The following NRK variants were observed in gnomAD, a reference collection of about 807,000 sequenced individuals.
The protein encoded by NRK is Nik related kinase, also known as nik-related protein kinase.
A neutral mutation model predicts 125.2 loss-of-function variants in NRK; 67 were observed. The observed-to-expected ratio is 0.54, with a 90% CI of 0.44 to 0.66. NRK has a LOEUF of 0.66. Ranked by LOEUF, NRK falls within the 30% of genes least tolerant of loss-of-function variation. The pLI is 0.00. For synonymous variants in NRK, 458 were observed against 429.0 expected (o/e 1.07, Z -0.84); for missense variants, 1,224 against 1,192.9 (o/e 1.03, Z -0.38).
chrX:105,949,230 T>A (rs1236403065), intron 26 of NRK, among the ~76,000 whole-genome samples: 1 of 112,264 alleles, frequency 8.9e-6, no homozygotes, highest in East Asian at 2.8e-4. Flanking sequence ...TAATGTGTTA[T>A]CTTAAACCCA....
chrX:105,883,162 T>C (rs1007705111), intron 4 of NRK, among the ~76,000 whole-genome samples: 2 of 112,505 alleles, frequency 1.8e-5, no homozygotes, highest in South Asian at 3.6e-4. Context: ...AATGTACTTA[T>C]GTGTTTCTCA....
intron 3 of NRK, among the ~76,000 whole-genome samples, chrX:105,881,468 A>G (rs1427642262): frequency 8.9e-6 from 1 of 112,081 alleles, no homozygotes; most frequent in Non-Finnish European, 1.9e-5. Context: ...GCACTTTACT[A>G]ATAACAAATT....
chrX:105,916,096 G>A (rs1014151494), intron 15 of NRK, among the ~76,000 whole-genome samples: 2 of 110,790 alleles, frequency 1.8e-5, no homozygotes, highest in African/African-American at 3.3e-5. Flanking sequence ...ATTAGTAGTC[G>A]ATGATAAAAA....
rs1280641092 is a variant in NRK at position 105,822,581 on chromosome X, G to C, written c.-265G>C. On this transcript the variant is annotated 5_prime_UTR_variant, in exon 1 of 29. Transcript: ENST00000243300. ...CACGGAGCACCCTTCTAGCTTCTTCGTCTCCAGGACTGACGCTCAGGCTCC... is the reference window on the plus strand; with the variant it reads ...CACGGAGCACCCTTCTAGCTTCTTCCTCTCCAGGACTGACGCTCAGGCTCC... 4.2e-5 allele frequency: 17 copies of C among 403,354 alleles called. No homozygotes were observed. In the East Asian group the frequency reaches 7.3e-4, roughly 17 times the overall value. The allele number at this position is 403,354 out of a possible 1,213,427, so 33.2% of individuals were successfully genotyped here.
chrX:105,886,328 A>T (rs960157231), intron 4 of NRK, among the ~76,000 whole-genome samples: 1 of 107,204 alleles, frequency 9.3e-6, no homozygotes, highest in Non-Finnish European at 1.9e-5. Flanking sequence ...GCTTATTTGG[A>T]TTTTTTAAAT....
intron 21 of NRK, 116 bp from the exon 22 acceptor site, chrX:105,937,323 C>G (rs1462263561): frequency 5.0e-6 from 2 of 403,748 alleles, no homozygotes; most frequent in Non-Finnish European, 8.7e-6. Context: ...TGAATATAGC[C>G]TAAACTGATA....
At chrX:105,873,315 G>A (rs372187299) in intron 2 of NRK, among the ~76,000 whole-genome samples, 8 of 111,125 alleles carry the variant, frequency 7.2e-5, no homozygotes, top group African/African-American at 2.0e-4. Flanking sequence ...TAACTGCTGC[G>A]GAATGGTGGA....
intron 2 of NRK, among the ~76,000 whole-genome samples, chrX:105,851,234 A>G (rs1055822907): frequency 1.8e-5 from 2 of 112,028 alleles, no homozygotes; most frequent in African/African-American, 3.3e-5. Context: ...TGAAAATGCA[A>G]ATGCTCATGA....
chrX:105,840,361 G>A (rs1424183075), intron 2 of NRK, among the ~76,000 whole-genome samples: 2 of 111,623 alleles, frequency 1.8e-5, no homozygotes, highest in Admixed American at 9.6e-5. Flanking sequence ...TATGTATTTG[G>A]TGTATTTGGG....
At chrX:105,896,511 C>A (rs2147730215) in intron 7 of NRK, among the ~76,000 whole-genome samples, 1 of 111,533 alleles carries the variant, frequency 9.0e-6, no homozygotes, top group Admixed American at 9.6e-5. Flanking sequence ...TTGTGTCTGT[C>A]TAAAAGCTAT....
Position 105,906,601 on chromosome X carries a change from T to C in NRK, c.1021+12T>C, listed in dbSNP as rs780424344. On this transcript the variant is annotated intron_variant, in intron 11 of 28. Coordinates refer to ENST00000243300, the MANE Select transcript of NRK (RefSeq NM_198465.4). ...AAGACAGAAAAAAGGTAGAATCTGT[T>C]AAGTTTTATTTTACTGAAATGAATA... 14 of 922,954 alleles carry C rather than the reference T, an allele frequency of 1.5e-5. No homozygotes were observed. Among genetic ancestry groups the C allele is most frequent in the Non-Finnish European group, 1.9e-5 (13 of 680,210 alleles). The allele number at this position is 922,954 out of a possible 1,213,427, so 76.1% of individuals were successfully genotyped here.
At chrX:105,848,581 TTTAAG>T (rs1329349281) in intron 2 of NRK, among the ~76,000 whole-genome samples, 1 of 112,099 alleles carries the variant, frequency 8.9e-6, no homozygotes, top group Admixed American at 9.5e-5. Context: ...TATTATTCAA[TTTAAG>T]TTAAGGAGGC....
chrX:105,953,129 A>G lies in NRK; in HGVS notation c.4609A>G (p.Arg1537Gly). 8.4e-7 allele frequency: 1 copy of G among 1,196,082 alleles called. No individual in the cohort carries two copies. Among genetic ancestry groups the G allele is most frequent in the Non-Finnish European group, 1.1e-6 (1 of 885,551 alleles). The part of the protein sequence containing the change: ...SRVLESELKR[R>G]SIKKLRFLCT... Reference sequence around the variant, plus strand: ...GGTTCTGGAAAGTGAGCTGAAGCGCAGGTCAATTAAGAAGCTGAGATTCCT... The same window carrying G: ...GGTTCTGGAAAGTGAGCTGAAGCGCGGGTCAATTAAGAAGCTGAGATTCCT... Residue 1537 changes from arginine (R) to glycine (G), a missense_variant, in exon 28 of 29, where the codon AGG (arginine) becomes GGG (glycine). Arg to Gly is a moderately radical substitution (Grantham distance 125, BLOSUM62 -2). Transcript: ENST00000243300.
intron 28 of NRK, among the ~76,000 whole-genome samples, chrX:105,953,779 A>G (rs1487926140): frequency 8.9e-6 from 1 of 111,882 alleles, no homozygotes. Flanking sequence ...GGAAAATTTC[A>G]TGGTGTAAGA....
chrX:105,901,534 T>C (rs1230995541), intron 9 of NRK, among the ~76,000 whole-genome samples: 2 of 111,780 alleles, frequency 1.8e-5, no homozygotes, highest in African/African-American at 6.5e-5. Flanking sequence ...TCCCATGTTC[T>C]TGTATGCTCT....
chrX:105,906,949 T>C (rs2040228628), intron 11 of NRK, among the ~76,000 whole-genome samples: 1 of 110,853 alleles, frequency 9.0e-6, no homozygotes, highest in African/African-American at 3.3e-5. Flanking sequence ...GGTAACAAAA[T>C]GTATATCTTG....
chrX:105,941,370 G>T (rs1409201259), intron 23 of NRK, among the ~76,000 whole-genome samples: 1 of 111,253 alleles, frequency 9.0e-6, no homozygotes, highest in African/African-American at 3.3e-5. Context: ...TATTTTCATA[G>T]CCTTCCAAGA....
In NRK at chrX:105,928,298, CTT is replaced by C. The variant is rs769304669; in HGVS notation, c.3312+3268_3312+3269del. ...GCTGTGTAGTTTTTCATAATAGTCT[CTT>C]ATGATTCTTTGTATTTCTGTGGTAT... On this transcript the variant is annotated intron_variant, in intron 19 of 28. Coordinates refer to ENST00000243300, the MANE Select transcript of NRK (RefSeq NM_198465.4). Among the ~76,000 whole-genome samples the C allele has an allele frequency of 1.5e-4, 17 of 111,071 alleles. No homozygotes were observed. The South Asian group carries it at 6.4e-3, about 42-fold the overall frequency.
chrX:105,874,532 C>T (rs1045180175), intron 2 of NRK, among the ~76,000 whole-genome samples: 3 of 111,910 alleles, frequency 2.7e-5, no homozygotes, highest in African/African-American at 9.7e-5. Context: ...AATTTGGTGT[C>T]GCATGAATGC....
Sources: allele counts gnomAD v4.1 joint callset (sites outside exome capture counted in the v4.1 genomes callset), GRCh38; gene constraint gnomAD v4.1.1; transcripts MANE v1.5; gene names NCBI Gene and HGNC (gene_info 2026-07-23, HGNC 2026-07-21).